The following ANKS1B variants were observed in gnomAD, a reference collection of about 807,000 sequenced individuals.
ANKS1B encodes ankyrin repeat and sterile alpha motif domain containing 1B, also known as ankyrin repeat and sterile alpha motif domain-containing protein 1B.
In ANKS1B, 36 loss-of-function variants were observed where a neutral mutation model predicts 148.3. The observed-to-expected ratio is 0.24, with a 90% CI of 0.19 to 0.32. The LOEUF is 0.32. Among genes scored for constraint, ANKS1B ranks in the 10% least tolerant of loss-of-function variants. The pLI, the probability that ANKS1B is intolerant of heterozygous loss-of-function variation, is 1.00. For synonymous variants in ANKS1B, 542 were observed against 560.8 expected, an observed-to-expected ratio of 0.97 and a Z score of 0.47; for missense variants, 1,157 against 1,542.6, an observed-to-expected ratio of 0.75 and a Z score of 4.19.
At chr12:99,627,819 G>A (rs2098124360) in intron 9 of ANKS1B, among the ~76,000 whole-genome samples, 1 of 152,140 alleles carries the variant, frequency 6.6e-6, no homozygotes, top group African/African-American at 2.4e-5. Flanking sequence ...TAAGAGAAAG[G>A]GGGTTATTTC....
At chr12:99,111,497 GAGA>G (rs2060277965) in intron 15 of ANKS1B, among the ~76,000 whole-genome samples, 1 of 151,982 alleles carries the variant, frequency 6.6e-6, no homozygotes. Flanking sequence ...AAGCCTGAGA[GAGA>G]AGACTATTAT....
chr12:99,911,674 G>A, intron 1 of ANKS1B, among the ~76,000 whole-genome samples: 1 of 151,982 alleles, frequency 6.6e-6, no homozygotes, highest in East Asian at 1.9e-4. Flanking sequence ...ATATTCAAAA[G>A]TAGACAGAAT....
chr12:99,128,224 AT>A (rs2153743966), intron 15 of ANKS1B, among the ~76,000 whole-genome samples: 1 of 152,276 alleles, frequency 6.6e-6, no homozygotes, highest in Non-Finnish European at 1.5e-5. Context: ...ATTGTTAAGT[AT>A]TTATTTTATA....
intron 18 of ANKS1B, among the ~76,000 whole-genome samples, chr12:98,830,853 C>T (rs1175462708): frequency 6.6e-6 from 1 of 151,648 alleles, no homozygotes; most frequent in Non-Finnish European, 1.5e-5. Flanking sequence ...TTCTCACTTC[C>T]TCTCTGCCCT....
At chr12:99,842,259 AT>A (rs750215009) in intron 1 of ANKS1B, among the ~76,000 whole-genome samples, 2 of 152,134 alleles carry the variant, frequency 1.3e-5, no homozygotes, top group Non-Finnish European at 2.9e-5. Flanking sequence ...GAATCATTAT[AT>A]GTCTTGCTCT....
intron 15 of ANKS1B, among the ~76,000 whole-genome samples, chr12:99,153,134 T>C (rs2075377513): frequency 6.6e-6 from 1 of 152,182 alleles, no homozygotes; most frequent in Non-Finnish European, 1.5e-5. Context: ...TAAAAACTCT[T>C]GGGCATACAT....
At position 99,905,026 on chromosome 12, in the gene ANKS1B, C is replaced by T. The variant is rs567008547; in HGVS notation, c.134+79078G>A. Among the ~76,000 whole-genome samples, 3 of 152,262 alleles carry T rather than the reference C, an allele frequency of 2.0e-5. No individual in the cohort carries two copies. In the South Asian group the frequency reaches 6.2e-4, roughly 32 times the overall value. ...CTTAAAGTGGACTTTTAATATGATGCTATTTCCAATATGATATCTAAAATA... is the reference window on the plus strand; with the variant it reads ...CTTAAAGTGGACTTTTAATATGATGTTATTTCCAATATGATATCTAAAATA... On this transcript the variant is annotated intron_variant, in intron 1 of 26. Coordinates refer to ENST00000683438, the MANE Select transcript of ANKS1B (RefSeq NM_001352186.2).
chr12:99,610,077 G>C (rs1598060795), intron 9 of ANKS1B, among the ~76,000 whole-genome samples: 1 of 151,856 alleles, frequency 6.6e-6, no homozygotes, highest in South Asian at 2.1e-4. Flanking sequence ...CCTATCAAAA[G>C]GGTCACAACC....
chr12:99,850,324 A>C (rs1184113240), intron 1 of ANKS1B, among the ~76,000 whole-genome samples: 8 of 71,844 alleles, frequency 1.1e-4, no homozygotes, highest in South Asian at 3.4e-4. Context: ...TCTCTCACCT[A>C]CTCTCCCCTT....
chr12:98,888,349 C>A (rs2099744884), intron 17 of ANKS1B, among the ~76,000 whole-genome samples: 1 of 152,152 alleles, frequency 6.6e-6, no homozygotes, highest in Non-Finnish European at 1.5e-5. Context: ...CTTCTTCCAG[C>A]CAAGTCACTA....
intron 2 of ANKS1B, among the ~76,000 whole-genome samples, chr12:99,819,363 T>C (rs1224868066): frequency 1.3e-5 from 2 of 151,862 alleles, no homozygotes; most frequent in African/African-American, 2.4e-5. Flanking sequence ...TTTCTAGTTA[T>C]TCAAAGAGCA....
intron 1 of ANKS1B, among the ~76,000 whole-genome samples, chr12:99,825,931 A>G (rs1169924688): frequency 6.6e-6 from 1 of 152,234 alleles, no homozygotes; most frequent in Non-Finnish European, 1.5e-5. Context: ...GTTGTAAACC[A>G]TGAGAAGATC....
intron 14 of ANKS1B, among the ~76,000 whole-genome samples, chr12:99,155,917 C>T (rs758698807): frequency 6.6e-6 from 1 of 152,174 alleles, no homozygotes; most frequent in Non-Finnish European, 1.5e-5. Flanking sequence ...ACTGCTCCAG[C>T]TCTGCCTTCG....
chr12:98,777,556 C>A (rs901495918), intron 24 of ANKS1B, among the ~76,000 whole-genome samples: 1 of 152,154 alleles, frequency 6.6e-6, no homozygotes, highest in African/African-American at 2.4e-5. Context: ...TCCCCCAGGC[C>A]GAATTCCCTG....
chr12:99,931,439 T>C (rs371236419), intron 1 of ANKS1B, among the ~76,000 whole-genome samples: 7 of 152,324 alleles, frequency 4.6e-5, no homozygotes, highest in African/African-American at 1.4e-4. Context: ...AATATTCCTC[T>C]ACGCAGTTCT....
intron 15 of ANKS1B, among the ~76,000 whole-genome samples, chr12:99,128,119 A>C (rs1339585929): frequency 6.6e-6 from 1 of 152,224 alleles, no homozygotes; most frequent in East Asian, 1.9e-4. Flanking sequence ...TATTGACTAG[A>C]ATCCCTGGAG....
At chr12:98,942,874 C>G (rs2099839197) in intron 17 of ANKS1B, among the ~76,000 whole-genome samples, 1 of 152,108 alleles carries the variant, frequency 6.6e-6, no homozygotes. Flanking sequence ...TTCAAACACC[C>G]CAACAGACAG....
intron 15 of ANKS1B, among the ~76,000 whole-genome samples, chr12:99,131,469 T>A (rs1281607359): frequency 2.0e-5 from 3 of 152,182 alleles, no homozygotes; most frequent in Admixed American, 2.0e-4. Context: ...GCACAAATAG[T>A]AAGTGTCTGG....
At chr12:99,694,163 C>T (rs1404499715) in intron 8 of ANKS1B, among the ~76,000 whole-genome samples, 7 of 148,472 alleles carry the variant, frequency 4.7e-5, no homozygotes, top group Non-Finnish European at 1.0e-4. Context: ...GAGATGGGCA[C>T]GGTGGCTCAC....
Sources: gnomAD v4.1 joint callset for allele counts (sites outside exome capture counted in the v4.1 genomes callset) on GRCh38, gnomAD v4.1.1 for gene constraint, MANE v1.5 for transcripts, NCBI Gene and HGNC (gene_info 2026-07-23, HGNC 2026-07-21) for gene names.